PHYHIPL: variants seen among roughly 807,000 people sequenced by gnomAD.
PHYHIPL encodes phytanoyl-CoA hydroxylase-interacting protein-like.
Under a neutral mutation model 33.4 loss-of-function variants are expected in PHYHIPL, and 9 were observed. The ratio of observed to expected loss-of-function variants is 0.27; its 90% CI spans 0.16 to 0.47. PHYHIPL has a LOEUF of 0.47. PHYHIPL is among the 20% of genes least tolerant of loss of function. PHYHIPL has a pLI of 0.99. For missense variants in PHYHIPL, 365 were observed against 460.7 expected (o/e 0.79, Z 1.90); for synonymous variants, 153 against 154.1 (o/e 0.99, Z 0.05).
chr10:59,232,988 A>G (rs1463166864), intron 1 of PHYHIPL, among the ~76,000 whole-genome samples: 1 of 151,930 alleles, frequency 6.6e-6, no homozygotes, highest in East Asian at 1.9e-4. Flanking sequence ...TGGGGATTCT[A>G]TGCGACCTGA....
chr10:59,243,324 A>C (rs2133304555), intron 4 of PHYHIPL, among the ~76,000 whole-genome samples: 1 of 152,330 alleles, frequency 6.6e-6, no homozygotes, highest in South Asian at 2.1e-4. Context: ...AAAGGGAATT[A>C]AGATATGCTC....
At chr10:59,228,395 A>T (rs1222582604) in intron 1 of PHYHIPL, among the ~76,000 whole-genome samples, 1 of 152,120 alleles carries the variant, frequency 6.6e-6, no homozygotes, top group African/African-American at 2.4e-5. Flanking sequence ...TTTTATTTTG[A>T]GAGTTTATTG....
rs1840847053 is a variant in PHYHIPL, at chr10:59,247,746, CA to C, written c.*2160del. ...CTTCCTTTTGTGGACTTCTGCAAAA[CA>C]AAAATACATTTGTTAGTTCACAATG... is the stretch of plus-strand genomic sequence containing the variant. On this transcript the variant is annotated 3_prime_UTR_variant, in exon 5 of 5. Coordinates refer to ENST00000373880, the MANE Select transcript of PHYHIPL (RefSeq NM_032439.4). 1 of 1,604,844 alleles carries C rather than the reference CA, an allele frequency of 6.2e-7. No individual in the cohort carries two copies. Among genetic ancestry groups the C allele is most frequent in the Non-Finnish European group, 8.5e-7 (1 of 1,176,126 alleles).
intron 1 of PHYHIPL, among the ~76,000 whole-genome samples, chr10:59,232,429 TATA>T (rs923458136): frequency 5.9e-4 from 90 of 152,094 alleles, no homozygotes; most frequent in Non-Finnish European, 8.8e-4. Context: ...GGTTTTCGCT[TATA>T]ATAACAGTAA....
At chr10:59,190,903 ATAGTT>A (rs1838765725) in intron 1 of PHYHIPL, among the ~76,000 whole-genome samples, 1 of 151,914 alleles carries the variant, frequency 6.6e-6, no homozygotes, top group Non-Finnish European at 1.5e-5. Context: ...AGTGTAAAGG[ATAGTT>A]TAAATGTGAT....
In PHYHIPL at chr10:59,180,197, C is replaced by T. The variant is rs571607648; in HGVS notation, c.106+3238C>T. On this transcript the variant is annotated intron_variant, in intron 1 of 4. Coordinates refer to ENST00000373880, the MANE Select transcript of PHYHIPL (RefSeq NM_032439.4). ...ACTGACCTGTGACAAGACAAAACAG[C>T]TCCCACCCCACACACAGAATTTTAT... 1.1e-3 allele frequency among the ~76,000 whole-genome samples: 168 copies of T among 148,624 alleles called. 1 individual carries two copies. Among genetic ancestry groups the T allele is most frequent in the Admixed American group, 3.4e-3 (51 of 14,898 alleles).
chr10:59,216,254 G>A (rs1336241352), intron 1 of PHYHIPL, among the ~76,000 whole-genome samples: 3 of 152,150 alleles, frequency 2.0e-5, no homozygotes, highest in Middle Eastern at 6.8e-3. Context: ...GTAGATTCAT[G>A]TGGCTAGTGG....
At chr10:59,211,197 A>AC (rs574773847) in intron 1 of PHYHIPL, among the ~76,000 whole-genome samples, 134 of 151,676 alleles carry the variant, frequency 8.8e-4, no homozygotes, top group African/African-American at 3.1e-3. Flanking sequence ...ACATAGTGAG[A>AC]CCCCCATGTC....
At chr10:59,203,299 A>G (rs1327394791) in intron 1 of PHYHIPL, among the ~76,000 whole-genome samples, 2 of 152,208 alleles carry the variant, frequency 1.3e-5, no homozygotes, top group Admixed American at 6.5e-5. Context: ...AGAAATAGGA[A>G]CACTTTTACA....
intron 1 of PHYHIPL, among the ~76,000 whole-genome samples, chr10:59,185,148 G>A (rs1349967981): frequency 1.3e-5 from 2 of 151,472 alleles, no homozygotes; most frequent in Non-Finnish European, 2.9e-5. Context: ...CCGCCACTAC[G>A]CCCGGCTAAT....
rs574268365 is a variant in PHYHIPL, at chr10:59,215,244, A to G, written c.107-19060A>G. 3.9e-5 allele frequency among the ~76,000 whole-genome samples: 6 copies of G among 152,156 alleles called. No individual in the cohort carries two copies. The South Asian group carries it at 1.2e-3, about 32-fold the overall frequency. ...TTTTAAATGATAGTTATTAACTTCT[A>G]CATTGAATCTACAGAAAAGATCATT... On this transcript the variant is annotated intron_variant, in intron 1 of 4. Coordinates refer to ENST00000373880, the MANE Select transcript of PHYHIPL (RefSeq NM_032439.4).
intron 4 of PHYHIPL, among the ~76,000 whole-genome samples, chr10:59,242,089 GT>G (rs1840419259): frequency 6.6e-6 from 1 of 152,176 alleles, no homozygotes; most frequent in Non-Finnish European, 1.5e-5. Context: ...TCTCACATCT[GT>G]AAGGGGACAC....
rs575551277 is a variant in PHYHIPL, at chr10:59,199,260, C to T, written c.106+22301C>T. On this transcript the variant is annotated intron_variant, in intron 1 of 4. Transcript: ENST00000373880. ...AAGATATAAGGAAGGGATCCAGTTT[C>T]AGCTTTCTACATATGGCTAGCCAGT... 5.9e-5 allele frequency among the ~76,000 whole-genome samples: 9 copies of T among 152,266 alleles called. No individual in the cohort carries two copies. In the South Asian group the frequency reaches 1.9e-3, roughly 32 times the overall value.
At chr10:59,196,631 G>C (rs532555698) in intron 1 of PHYHIPL, among the ~76,000 whole-genome samples, 52 of 152,088 alleles carry the variant, frequency 3.4e-4, no homozygotes, top group African/African-American at 1.3e-3. Context: ...TGTTAGGCAG[G>C]ATGGTCTTGA....
At chr10:59,240,356 G>C (rs1589299457) in intron 4 of PHYHIPL, among the ~76,000 whole-genome samples, 1 of 151,990 alleles carries the variant, frequency 6.6e-6, no homozygotes, top group Admixed American at 6.6e-5. Context: ...TAAACCCATT[G>C]TAAGTTGAAA....
chr10:59,225,293 C>A (rs771047139), intron 1 of PHYHIPL, among the ~76,000 whole-genome samples: 15 of 150,850 alleles, frequency 9.9e-5, no homozygotes, highest in Admixed American at 2.0e-4. Context: ...CTCAGAAAAT[C>A]ACACAGTATT....
chr10:59,209,678 G>T (rs1295955658), intron 1 of PHYHIPL, among the ~76,000 whole-genome samples: 2 of 152,110 alleles, frequency 1.3e-5, no homozygotes, highest in Admixed American at 6.6e-5. Flanking sequence ...ATACTACAAG[G>T]CTACAGTAAC....
intron 1 of PHYHIPL, among the ~76,000 whole-genome samples, chr10:59,227,511 C>T (rs750643239): frequency 2.6e-4 from 39 of 152,164 alleles, no homozygotes; most frequent in Non-Finnish European, 2.9e-4. Context: ...CAAGCCTCAA[C>T]ATGAGTTTTG....
chr10:59,214,469 A>G (rs1839551770), intron 1 of PHYHIPL, among the ~76,000 whole-genome samples: 1 of 152,238 alleles, frequency 6.6e-6, no homozygotes, highest in Admixed American at 6.5e-5. Flanking sequence ...GATCTGAAAA[A>G]AGAAACTTTA....
Sources: gnomAD v4.1 joint callset for allele counts (sites outside exome capture counted in the v4.1 genomes callset) on GRCh38, gnomAD v4.1.1 for gene constraint, MANE v1.5 for transcripts, NCBI Gene and HGNC (gene_info 2026-07-23, HGNC 2026-07-21) for gene names.